Variants in GRIA2 observed in about 807,000 individuals in gnomAD.
GRIA2 encodes glutamate ionotropic receptor AMPA type subunit 2, also known as glutamate receptor 2.
In GRIA2, 14 loss-of-function variants were observed where a neutral mutation model predicts 97.3. The observed-to-expected ratio is 0.14, with a 90% CI of 0.10 to 0.23. The LOEUF is 0.23. Among genes scored for constraint, GRIA2 ranks in the 10% least tolerant of loss-of-function variants. The probability of loss-of-function intolerance (pLI) is 1.00; values close to 1 mark genes in which losing one functional copy is unlikely to be tolerated. For synonymous variants in GRIA2, 412 were observed against 387.8 expected (o/e 1.06, Z -0.73); for missense variants, 558 against 1,069.8 (o/e 0.52, Z 6.67).
At position 157,245,308 on chromosome 4, in the gene GRIA2, ATGGAATGAACTCTACCTTGCTTG is replaced by A. The variant is rs1730680600; in HGVS notation, c.229+23507_229+23529del. Among the ~76,000 whole-genome samples the A allele has an allele frequency of 7.2e-5, 11 of 152,124 alleles. 1 individual carries two copies. In the South Asian group the frequency reaches 2.3e-3, roughly 31 times the overall value. On this transcript the variant is annotated intron_variant, in intron 2 of 15. Coordinates refer to ENST00000264426, the MANE Select transcript of GRIA2 (RefSeq NM_001083619.3). ...CTGCTGCCAGGTTCAATCTTTGTCTATGGAATGAACTCTACCTTGCTTGTGGAAAAAAAATACACTCTGCTTTT... is the reference window on the plus strand; with the variant it reads ...CTGCTGCCAGGTTCAATCTTTGTCTATGGAAAAAAAATACACTCTGCTTTT...
At chr4:157,283,563 A>G (rs1401146623) in intron 2 of GRIA2, among the ~76,000 whole-genome samples, 1 of 152,022 alleles carries the variant, frequency 6.6e-6, no homozygotes, top group African/African-American at 2.4e-5. Context: ...ATTCATCAGA[A>G]TCACTGGCCT....
chr4:157,302,360 T>C (rs1478671016), intron 2 of GRIA2, among the ~76,000 whole-genome samples: 1 of 152,044 alleles, frequency 6.6e-6, no homozygotes, highest in Non-Finnish European at 1.5e-5. Flanking sequence ...TTGTGGAGAA[T>C]TGAATGGAAG....
intron 2 of GRIA2, among the ~76,000 whole-genome samples, chr4:157,299,435 A>G (rs989648655): frequency 3.3e-5 from 5 of 152,158 alleles, no homozygotes; most frequent in African/African-American, 1.2e-4. Flanking sequence ...GAAGCAGACT[A>G]TGCTGATTCA....
At chr4:157,288,127 T>C (rs976653706) in intron 2 of GRIA2, among the ~76,000 whole-genome samples, 2 of 151,736 alleles carry the variant, frequency 1.3e-5, no homozygotes, top group Non-Finnish European at 2.9e-5. Flanking sequence ...AAGTATAATT[T>C]TTTTTTAATT....
intron 1 of GRIA2, 36 bp from the exon 2 acceptor site, chr4:157,221,631 G>C: frequency 6.2e-7 from 1 of 1,608,274 alleles, no homozygotes; most frequent in Non-Finnish European, 8.5e-7. Flanking sequence ...CCGGGGCACT[G>C]ACACTGTTCT....
chr4:157,256,196 TATTACATA>T (rs1258024773), intron 2 of GRIA2, among the ~76,000 whole-genome samples: 5 of 134,938 alleles, frequency 3.7e-5, no homozygotes, highest in Non-Finnish European at 4.6e-5. Context: ...ATATAACATA[TATTACATA>T]TATATGTTAT....
chr4:157,236,537 A>G (rs755355939), intron 2 of GRIA2, among the ~76,000 whole-genome samples: 2 of 152,014 alleles, frequency 1.3e-5, no homozygotes, highest in Non-Finnish European at 2.9e-5. Flanking sequence ...TTTTAATAAT[A>G]TGTCCAAGTG....
intron 12 of GRIA2, among the ~76,000 whole-genome samples, chr4:157,355,990 T>G (rs1271222686): frequency 2.4e-5 from 2 of 83,016 alleles, no homozygotes; most frequent in Admixed American, 3.7e-4. Context: ...TTTATATATT[T>G]ATATATATTT....
chr4:157,276,276 C>T (rs1398934264), intron 2 of GRIA2, among the ~76,000 whole-genome samples: 1 of 151,982 alleles, frequency 6.6e-6, no homozygotes, highest in Non-Finnish European at 1.5e-5. Context: ...TTAAACAACA[C>T]ACTTCTAAAT....
intron 12 of GRIA2, among the ~76,000 whole-genome samples, chr4:157,355,942 A>ATATATATTAATATATTT (rs1560781198): frequency 2.7e-4 from 1 of 3,744 alleles, no homozygotes; most frequent in African/African-American, 4.9e-4. Flanking sequence ...TTTATATATT[A>ATATATATTAATATATTT]ATATATATTT....
chr4:157,357,062 A>G (rs1027869137), intron 12 of GRIA2, among the ~76,000 whole-genome samples: 3 of 152,090 alleles, frequency 2.0e-5, no homozygotes, highest in Non-Finnish European at 4.4e-5. Flanking sequence ...TCTGCTGGTT[A>G]CTTTTTTATT....
At chr4:157,289,647 G>T (rs1373782660) in intron 2 of GRIA2, among the ~76,000 whole-genome samples, 2 of 151,724 alleles carry the variant, frequency 1.3e-5, no homozygotes, top group Admixed American at 6.6e-5. Flanking sequence ...GTATAGCAAA[G>T]ATTAAATTTA....
intron 6 of GRIA2, among the ~76,000 whole-genome samples, chr4:157,321,809 C>A (rs1274538575): frequency 1.3e-5 from 2 of 152,080 alleles, no homozygotes; most frequent in East Asian, 3.9e-4. Flanking sequence ...GTGTTTTCTA[C>A]TTCCGTACAC....
At chr4:157,331,306 C>T (rs1034864131) in intron 6 of GRIA2, among the ~76,000 whole-genome samples, 1 of 151,850 alleles carries the variant, frequency 6.6e-6, no homozygotes, top group East Asian at 1.9e-4. Flanking sequence ...AGTTAACCAA[C>T]ATTTGTAGAC....
chr4:157,348,660 AGAG>A (rs1735870070), intron 12 of GRIA2, among the ~76,000 whole-genome samples: 1 of 152,304 alleles, frequency 6.6e-6, no homozygotes, highest in South Asian at 2.1e-4. Context: ...TTATCATAGT[AGAG>A]GATGTTTTAT....
In GRIA2 at chr4:157,335,665, A is replaced by T; in HGVS notation, c.1267-6A>T. On this transcript the variant is annotated splice_polypyrimidine_tract_variant and splice_region_variant and intron_variant, in intron 9 of 15. Coordinates refer to ENST00000264426, the MANE Select transcript of GRIA2 (RefSeq NM_001083619.3). ...TAATCAGCTAAAGCAAAGTCTTTTC[A>T]TATAGGAATCTCCGTATGTTATGAT... 6.4e-7 allele frequency: 1 copy of T among 1,557,848 alleles called. No homozygotes were observed. Among genetic ancestry groups the T allele is most frequent in the East Asian group, 2.2e-5 (1 of 44,540 alleles).
intron 2 of GRIA2, among the ~76,000 whole-genome samples, chr4:157,238,451 T>G (rs1427575666): frequency 6.6e-6 from 1 of 152,174 alleles, no homozygotes; most frequent in Non-Finnish European, 1.5e-5. Flanking sequence ...CAATATCTTT[T>G]GTTTAATCTG....
chr4:157,283,685 C>T (rs1017556085), intron 2 of GRIA2, among the ~76,000 whole-genome samples: 7 of 151,806 alleles, frequency 4.6e-5, no homozygotes, highest in Non-Finnish European at 1.0e-4. Context: ...ATTCTGTAAT[C>T]TAATTTTCCT....
chr4:157,290,461 T>C (rs183852970), intron 2 of GRIA2, among the ~76,000 whole-genome samples: 197 of 151,470 alleles, frequency 1.3e-3, no homozygotes, highest in African/African-American at 4.5e-3. Flanking sequence ...TCTACAAGAT[T>C]CGTATTCAAA....
Sources: gnomAD v4.1 joint callset for allele counts (sites outside exome capture counted in the v4.1 genomes callset) on GRCh38, gnomAD v4.1.1 for gene constraint, MANE v1.5 for transcripts, NCBI Gene and HGNC (gene_info 2026-07-23, HGNC 2026-07-21) for gene names.